Variants in SPATA45 observed in about 807,000 individuals in gnomAD.
SPATA45 encodes spermatogenesis-associated protein 45.
Under a neutral mutation model 7.0 loss-of-function variants are expected in SPATA45, and 5 were observed. That is an observed-to-expected ratio of 0.71 (90% confidence interval 0.37 to 1.50). The LOEUF is 1.50. SPATA45 is among the 40% of genes most tolerant of loss of function. The pLI, the probability that SPATA45 is intolerant of heterozygous loss-of-function variation, is 0.03. For missense variants in SPATA45, 111 were observed against 114.9 expected, an observed-to-expected ratio of 0.97 and a Z score of 0.16; for synonymous variants, 40 against 38.7, an observed-to-expected ratio of 1.03 and a Z score of -0.13.
At chr1:212,830,326 A>T in intron 2 of SPATA45, 65 bp from the exon 3 acceptor site, 1 of 999,174 alleles carries the variant, frequency 1.0e-6, no homozygotes. Flanking sequence ...GGTTTTTAAA[A>T]TAACCCTGGA....
chr1:212,833,533 G>A (rs1023129122), intron 2 of SPATA45, among the ~76,000 whole-genome samples: 3 of 150,214 alleles, frequency 2.0e-5, no homozygotes, highest in Admixed American at 6.6e-5. Flanking sequence ...AATTAGCCAG[G>A]CGTGGTGGCA....
At chr1:212,831,841 C>A (rs1182616463) in intron 2 of SPATA45, among the ~76,000 whole-genome samples, 1 of 150,964 alleles carries the variant, frequency 6.6e-6, no homozygotes, top group Non-Finnish European at 1.5e-5. Flanking sequence ...ACACTGGACT[C>A]CTCAAGGAAC....
At chr1:212,838,027 G>A (rs928958636) in intron 1 of SPATA45, among the ~76,000 whole-genome samples, 9 of 151,582 alleles carry the variant, frequency 5.9e-5, no homozygotes, top group African/African-American at 1.4e-4. Context: ...GGGGCTGGGC[G>A]TGATGGCTCA....
chr1:212,841,622 G>C (rs1040614007), intron 1 of SPATA45, among the ~76,000 whole-genome samples: 2 of 141,526 alleles, frequency 1.4e-5, no homozygotes, highest in African/African-American at 5.3e-5. Context: ...GCAAAGAAGA[G>C]GTATCTTTCT....
intron 1 of SPATA45, among the ~76,000 whole-genome samples, chr1:212,838,302 TAA>T (rs55837628): frequency 0.028 from 3,962 of 139,300 alleles, 127 homozygotes; most frequent in Middle Eastern, 0.045. Context: ...GGACTTTGTC[TAA>T]AAAAAAAAAA....
At chr1:212,839,129 TTA>T (rs71147035) in intron 1 of SPATA45, among the ~76,000 whole-genome samples, 242 of 144,528 alleles carry the variant, frequency 1.7e-3, no homozygotes, top group African/African-American at 5.9e-3. Flanking sequence ...TTTATATATA[TTA>T]TATATATATA....
chr1:212,843,100 TACACACAC>T (rs367648433), intron 1 of SPATA45, among the ~76,000 whole-genome samples: 1,839 of 121,998 alleles, frequency 0.015, 36 homozygotes, highest in African/African-American at 0.055. Context: ...CCGTCAAACA[TACACACAC>T]ACACACACAC....
At position 212,847,195 on chromosome 1, in the gene SPATA45, T is replaced by A. The variant is rs1663815471; in HGVS notation, c.-39+385A>T. 3.3e-5 allele frequency among the ~76,000 whole-genome samples: 5 copies of A among 152,016 alleles called. No individual in the cohort carries two copies. In the South Asian group the frequency reaches 1.0e-3, roughly 31 times the overall value. ...CGTGAGCAACTGTGCCCAGCCCAGG[T>A]TTTGAAAATATTAAACATGCATATA... On this transcript the variant is annotated intron_variant, in intron 1 of 2. Coordinates refer to ENST00000332912, the MANE Select transcript of SPATA45 (RefSeq NM_001024601.3).
intron 1 of SPATA45, among the ~76,000 whole-genome samples, chr1:212,846,502 C>T (rs945685837): frequency 3.3e-5 from 5 of 152,144 alleles, no homozygotes; most frequent in East Asian, 3.8e-4. Flanking sequence ...TAACTGATGA[C>T]GTTCCACCAC....
chr1:212,840,072 T>C (rs1335599032), intron 1 of SPATA45, among the ~76,000 whole-genome samples: 2 of 151,802 alleles, frequency 1.3e-5, no homozygotes, highest in East Asian at 1.9e-4. Context: ...GATTTGACAA[T>C]GTAATAGTCT....
intron 1 of SPATA45, among the ~76,000 whole-genome samples, chr1:212,847,082 C>A (rs778433465): frequency 5.3e-5 from 8 of 151,924 alleles, no homozygotes; most frequent in Non-Finnish European, 1.2e-4. Context: ...GTAGAGATGT[C>A]ATTTTGCCAT....
chr1:212,845,391 C>T (rs1390789683), intron 1 of SPATA45, among the ~76,000 whole-genome samples: 1 of 152,218 alleles, frequency 6.6e-6, no homozygotes, highest in Admixed American at 6.5e-5. Context: ...GACACTTTCA[C>T]TGGATGGGTA....
chr1:212,834,743 G>C (rs571487143), intron 2 of SPATA45, among the ~76,000 whole-genome samples: 9 of 151,602 alleles, frequency 5.9e-5, no homozygotes, highest in Non-Finnish European at 1.3e-4. Context: ...GAGCCACCGC[G>C]CCCGGCCTCT....
intron 1 of SPATA45, among the ~76,000 whole-genome samples, chr1:212,843,938 T>A (rs540768839): frequency 6.6e-6 from 1 of 152,142 alleles, no homozygotes; most frequent in African/African-American, 2.4e-5. Flanking sequence ...CCCTCCATTA[T>A]TCTGTTCTAG....
At chr1:212,843,100 T>TACACACACACACAC (rs367648433) in intron 1 of SPATA45, among the ~76,000 whole-genome samples, 33 of 122,008 alleles carry the variant, frequency 2.7e-4, no homozygotes, top group African/African-American at 3.8e-4. Flanking sequence ...CCGTCAAACA[T>TACACACACACACAC]ACACACACAC....
At chr1:212,845,696 A>T (rs1369643056) in intron 1 of SPATA45, among the ~76,000 whole-genome samples, 1 of 152,080 alleles carries the variant, frequency 6.6e-6, no homozygotes. Flanking sequence ...ACTCACTCTT[A>T]TTCTGGTTCC....
At position 212,836,708 on chromosome 1, in the gene SPATA45, G is replaced by A. The variant is rs995432069; in HGVS notation, c.-38-521C>T. ...CTGTTGCCAAGGCTGGAGTGCAGTGGCTCGATCTCAGCTCACTGCAACCTC... is the reference window on the plus strand; with the variant it reads ...CTGTTGCCAAGGCTGGAGTGCAGTGACTCGATCTCAGCTCACTGCAACCTC... On this transcript the variant is annotated intron_variant, in intron 1 of 2. Coordinates refer to ENST00000332912, the MANE Select transcript of SPATA45 (RefSeq NM_001024601.3). Among the ~76,000 whole-genome samples, 85 of 151,106 alleles carry A rather than the reference G, an allele frequency of 5.6e-4. 1 individual carries two copies. Among genetic ancestry groups the A allele is most frequent in the Non-Finnish European group, 3.8e-4 (26 of 67,608 alleles).
Position 212,833,979 on chromosome 1 carries a change from T to A in SPATA45, c.277+1894A>T, listed in dbSNP as rs187174431. ...TGAGACGTAATACTTCCTCCTTTCA[T>A]CTCAGGTGATCCGCCCACCTCGGCC... On this transcript the variant is annotated intron_variant, in intron 2 of 2. Coordinates refer to ENST00000332912, the MANE Select transcript of SPATA45 (RefSeq NM_001024601.3). Among the ~76,000 whole-genome samples the A allele has an allele frequency of 2.6e-5, 4 of 151,886 alleles. No individual in the cohort carries two copies. In the East Asian group the frequency reaches 7.7e-4, roughly 29 times the overall value.
intron 1 of SPATA45, among the ~76,000 whole-genome samples, chr1:212,843,596 A>T (rs947409766): frequency 6.6e-6 from 1 of 152,306 alleles, no homozygotes; most frequent in East Asian, 1.9e-4. Flanking sequence ...TTAACAAACA[A>T]TGGAGACGTT....
Sources: allele counts gnomAD v4.1 joint callset (sites outside exome capture counted in the v4.1 genomes callset), GRCh38; gene constraint gnomAD v4.1.1; transcripts MANE v1.5; gene names NCBI Gene and HGNC (gene_info 2026-07-23, HGNC 2026-07-21).